The following GLYATL1 variants were observed in gnomAD, a reference collection of about 807,000 sequenced individuals.
GLYATL1 encodes the protein glycine-N-acyltransferase like 1, also known as glycine N-acyltransferase-like protein 1.
A neutral mutation model predicts 20.0 loss-of-function variants in GLYATL1; 15 were observed. The ratio of observed to expected loss-of-function variants is 0.75; its 90% CI spans 0.50 to 1.15. The LOEUF (loss-of-function observed/expected upper bound fraction) is 1.15, where lower values mean the gene tolerates loss of function less well. GLYATL1 is among the 50% of genes most tolerant of loss of function. The pLI is 0.00. For synonymous variants in GLYATL1, 151 were observed against 131.5 expected, an observed-to-expected ratio of 1.15 and a Z score of -1.01; for missense variants, 380 against 368.5, an observed-to-expected ratio of 1.03 and a Z score of -0.26.
chr11:58,928,364 C>T (rs1157550643), intron 1 of GLYATL1: 1 of 152,166 alleles, frequency 6.6e-6, no homozygotes, highest in Non-Finnish European at 1.5e-5. Context: ...CCTTTGTTTC[C>T]TGGGGGCCCG....
At chr11:58,916,267 G>C (rs1010936758) in intron 1 of GLYATL1, among the ~76,000 whole-genome samples, 2 of 152,168 alleles carry the variant, frequency 1.3e-5, no homozygotes, top group African/African-American at 4.8e-5. Context: ...GTAGAAAGAA[G>C]AATTACATTT....
At chr11:58,951,644 G>T (rs1281430238) in intron 4 of GLYATL1, among the ~76,000 whole-genome samples, 1 of 152,016 alleles carries the variant, frequency 6.6e-6, no homozygotes, top group Non-Finnish European at 1.5e-5. Context: ...AAGAAATATG[G>T]TCTTTTTCTC....
downstream of GLYATL1, among the ~76,000 whole-genome samples, chr11:58,911,014 T>G (rs1855026887): frequency 6.6e-6 from 1 of 152,202 alleles, no homozygotes; most frequent in Non-Finnish European, 1.5e-5. Flanking sequence ...TGGCAACCAC[T>G]AATCTCTTCG....
intron 1 of GLYATL1, among the ~76,000 whole-genome samples, chr11:58,929,673 C>T (rs1209365913): frequency 6.6e-6 from 1 of 152,164 alleles, no homozygotes; most frequent in South Asian, 2.1e-4. Flanking sequence ...GTTCCTTCTA[C>T]TCTTTTTAGT....
At chr11:58,950,087 G>T (rs186795216) in intron 4 of GLYATL1, among the ~76,000 whole-genome samples, 1 of 120,302 alleles carries the variant, frequency 8.3e-6, no homozygotes, top group East Asian at 2.6e-4. Flanking sequence ...CGAGACCACG[G>T]TGAAACCCTG....
intron 4 of GLYATL1, among the ~76,000 whole-genome samples, chr11:58,951,711 A>G (rs1857010002): frequency 6.6e-6 from 1 of 152,020 alleles, no homozygotes; most frequent in Non-Finnish European, 1.5e-5. Flanking sequence ...TTTTCCTGTG[A>G]TAAACTAAGT....
At chr11:58,950,216 G>A (rs1344924331) in intron 4 of GLYATL1, among the ~76,000 whole-genome samples, 1 of 150,992 alleles carries the variant, frequency 6.6e-6, no homozygotes, top group East Asian at 1.9e-4. Flanking sequence ...GCGTGAAACC[G>A]GGAGGCGGAG....
rs1311866943 is a variant in GLYATL1, at chr11:58,947,052, T to A, written c.-36T>A. The A allele has an allele frequency of 2.5e-6, 4 of 1,611,734 alleles. No individual in the cohort carries two copies. The highest frequency in any genetic ancestry group is 2.5e-6 in the Non-Finnish European group (3 of 1,177,756). On this transcript the variant is annotated 5_prime_UTR_variant, in exon 3 of 7. Transcript: ENST00000532726. ...TCATTTCTTATCTTTTCAGAGTTTC[T>A]TCTTCAAGGTCTCAAGGTCTGAAGC...
intron 1 of GLYATL1, among the ~76,000 whole-genome samples, chr11:58,914,682 C>T (rs1175484332): frequency 2.0e-5 from 3 of 152,102 alleles, no homozygotes; most frequent in Admixed American, 1.3e-4. Context: ...AGGATTAACT[C>T]CCTTGAATGA....
In GLYATL1 at chr11:58,955,714, AG is replaced by A; in HGVS notation, c.597del (p.Lys199AsnfsTer4). The A allele has an allele frequency of 6.2e-7, 1 of 1,614,206 alleles. No homozygotes were observed. The highest frequency in any genetic ancestry group is 1.1e-5 in the South Asian group (1 of 91,084). On this transcript the variant is annotated frameshift_variant, in exon 7 of 7. Coordinates refer to ENST00000532726, the MANE Select transcript of GLYATL1 (RefSeq NM_001389712.2). LOFTEE classifies it low-confidence loss of function (END_TRUNC). Reference sequence around the variant, plus strand: ...AATGAGAGGAGCCTGCATTACATCAAGCGCTGCATAGAAGACCTGCCAGCAG... The same window carrying A: ...AATGAGAGGAGCCTGCATTACATCAACGCTGCATAGAAGACCTGCCAGCAG... ...GKNERSLHYI[K>X]RCIEDLPAAC...
exon 2 of GLYATL1, chr11:58,908,521 C>A: frequency 9.4e-6 from 2 of 213,300 alleles, no homozygotes; most frequent in South Asian, 1.8e-4. Context: ...AGAGGATGAC[C>A]AGAGGGCTAG....
upstream of GLYATL1, among the ~76,000 whole-genome samples, chr11:58,923,012 C>G (rs1855344700): frequency 6.6e-6 from 1 of 152,194 alleles, no homozygotes; most frequent in African/African-American, 2.4e-5. Context: ...TAATTCCTCA[C>G]ATAGCCTTTC....
chr11:58,954,845 GT>G lies in GLYATL1; in HGVS notation c.266del (p.Leu89Ter), dbSNP rs748219026. 183 of 1,612,706 alleles carry G rather than the reference GT, an allele frequency of 1.1e-4. No individual in the cohort carries two copies. Among genetic ancestry groups the G allele is most frequent in the Non-Finnish European group, 1.5e-4 (175 of 1,179,490 alleles). ...FSKEPQKSEE[V>X]LKNCEIVNWK... is the part of the protein sequence containing the mutation. ...CAAAGAGCCTCAAAAATCAGAAGAA[GT>G]TTTGAAAAATTGTGAGATCGTAAAC... On this transcript the variant is annotated frameshift_variant, in exon 5 of 7. Coordinates refer to ENST00000532726, the MANE Select transcript of GLYATL1 (RefSeq NM_001389712.2). LOFTEE classifies it high-confidence loss of function.
downstream of GLYATL1, among the ~76,000 whole-genome samples, chr11:58,909,647 A>C (rs564914320): frequency 6.6e-6 from 1 of 152,350 alleles, no homozygotes; most frequent in Admixed American, 6.5e-5. Context: ...ATATTTGGCG[A>C]ATAAGACAGC....
intron 1 of GLYATL1, among the ~76,000 whole-genome samples, chr11:58,914,037 T>A (rs538186008): frequency 6.6e-6 from 1 of 152,160 alleles, no homozygotes; most frequent in Admixed American, 6.5e-5. Flanking sequence ...CTCTTTATGC[T>A]ATTCTTCTTT....
chr11:58,913,339 T>A (rs1240268359), downstream of GLYATL1, among the ~76,000 whole-genome samples: 1 of 151,150 alleles, frequency 6.6e-6, no homozygotes, highest in Non-Finnish European at 1.5e-5. Context: ...GTGAAGGAAA[T>A]GAAAGATGGA....
At chr11:58,941,595 T>G (rs1368255715) in intron 1 of GLYATL1, among the ~76,000 whole-genome samples, 1 of 152,204 alleles carries the variant, frequency 6.6e-6, no homozygotes, top group East Asian at 1.9e-4. Flanking sequence ...TTTAATAGGA[T>G]GGCCAAAGGA....
In GLYATL1 at chr11:58,955,327, A is replaced by T. The variant is rs781697000; in HGVS notation, c.465A>T (p.Thr155=). Residue 155 remains threonine (T), a synonymous_variant, in exon 6 of 7, where the codon ACA becomes ACT. Transcript: ENST00000532726. ...SKSKLGSWAE[T]GHPDDEFESE... is the part of the protein sequence containing the mutation. ...GCAAGCTTGGAAGCTGGGCTGAGAC[A>T]GGCCACCCAGATGATGAATTTGAAA... is the stretch of plus-strand genomic sequence containing the variant. 1 of 1,613,728 alleles carries T rather than the reference A, an allele frequency of 6.2e-7. No individual in the cohort carries two copies. Among genetic ancestry groups the T allele is most frequent in the Non-Finnish European group, 8.5e-7 (1 of 1,179,856 alleles).
chr11:58,911,496 T>C (rs1855042387), downstream of GLYATL1, among the ~76,000 whole-genome samples: 1 of 152,252 alleles, frequency 6.6e-6, no homozygotes, highest in Non-Finnish European at 1.5e-5. Flanking sequence ...CACAAAGCTT[T>C]TCTGATTCTT....
Sources: gnomAD v4.1 joint callset for allele counts (sites outside exome capture counted in the v4.1 genomes callset) on GRCh38, gnomAD v4.1.1 for gene constraint, MANE v1.5 for transcripts, NCBI Gene and HGNC (gene_info 2026-07-23, HGNC 2026-07-21) for gene names.